CCDC197: variants seen among roughly 807,000 people sequenced by gnomAD.
CCDC197 encodes the protein uncharacterized protein CCDC197.
Under a neutral mutation model 13.4 loss-of-function variants are expected in CCDC197, and 24 were observed. The ratio of observed to expected loss-of-function variants is 1.80; its 90% CI spans 1.30 to 2.53. The LOEUF is 2.53. Among genes scored for constraint, CCDC197 ranks in the 30% most tolerant of loss-of-function variants. The pLI, the probability that CCDC197 is intolerant of heterozygous loss-of-function variation, is 0.00. For synonymous variants in CCDC197, 99 were observed against 55.5 expected (o/e 1.78, Z -3.48); for missense variants, 255 against 148.8 (o/e 1.71, Z -3.71).
intron 4 of CCDC197, 186 bp downstream of exon 4, chr14:94,001,509 A>C (rs1216808561): frequency 5.7e-6 from 3 of 527,236 alleles, no homozygotes; most frequent in Non-Finnish European, 1.0e-5. Flanking sequence ...CTGCTGCCTG[A>C]GGCTCAGCTC....
chr14:94,000,266 CT>C (rs1432685188), intron 3 of CCDC197, among the ~76,000 whole-genome samples: 2 of 152,108 alleles, frequency 1.3e-5, no homozygotes, highest in African/African-American at 4.8e-5. Context: ...TTTTTTACCC[CT>C]CCTATGAGCT....
intron 6 of CCDC197, among the ~76,000 whole-genome samples, chr14:94,008,343 C>T (rs1890743561): frequency 6.6e-6 from 1 of 152,186 alleles, no homozygotes; most frequent in African/African-American, 2.4e-5. Context: ...AAGAGGCAGG[C>T]AACCACTTTC....
At chr14:93,992,827 G>A (rs1890234611), upstream of CCDC197, among the ~76,000 whole-genome samples, 2 of 152,184 alleles carry the variant, frequency 1.3e-5, no homozygotes, top group East Asian at 3.8e-4. Context: ...GCAGAGCAAG[G>A]ATGAGGGTAG....
At chr14:93,998,566 C>T (rs192027272) in intron 2 of CCDC197, among the ~76,000 whole-genome samples, 198 of 152,250 alleles carry the variant, frequency 1.3e-3, no homozygotes, top group African/African-American at 4.2e-3. Context: ...ACGAGGTTGC[C>T]GCCTTGACTC....
At chr14:94,007,017 G>A (rs1365313757) in intron 6 of CCDC197, 2 of 151,960 alleles carry the variant, frequency 1.3e-5, no homozygotes, top group African/African-American at 4.8e-5. Flanking sequence ...GTAGAGACAG[G>A]GTTTCACCAA....
intron 1 of CCDC197, among the ~76,000 whole-genome samples, chr14:93,992,275 C>T (rs1000686873): frequency 6.6e-6 from 1 of 152,180 alleles, no homozygotes; most frequent in Non-Finnish European, 1.5e-5. Context: ...GTGCTTGCTC[C>T]AGGTGGGACC....
In CCDC197 at chr14:94,003,704, CAG is replaced by C. The variant is rs1890601577; in HGVS notation, c.498+352_498+353del. Among the ~76,000 whole-genome samples the C allele has an allele frequency of 1.3e-5, 2 of 152,040 alleles. No individual in the cohort carries two copies. Among genetic ancestry groups the C allele is most frequent in the South Asian group, 4.1e-4 (2 of 4,820 alleles). On this transcript the variant is annotated intron_variant, in intron 5 of 6. Transcript: ENST00000636493. This position sits in a 1 kb window ranked among gnomAD's most constrained non-coding sequence, Gnocchi z 5.0. ...ACACATGCAGAGACATACATAGAGA[CAG>C]ACACACACACAGACAGACCCACACC... is the stretch of plus-strand genomic sequence containing the variant.
upstream of CCDC197, among the ~76,000 whole-genome samples, chr14:93,995,255 C>T (rs4905135): frequency 0.16 from 24,497 of 152,078 alleles, 3,195 homozygotes; most frequent in East Asian, 0.61. Context: ...GAACCAGCTT[C>T]GGCTCTCACC....
chr14:93,988,037 G>C lies in CCDC197; in HGVS notation c.-107+641G>C, dbSNP rs572828295. ...GTGAGAGGAGGGGTGAGGCCAGAGA[G>C]GAGAAGAGGGGTGGGGCCGGAGAGG... On this transcript the variant is annotated intron_variant, in intron 1 of 7. Transcript: ENST00000640978. Among the ~76,000 whole-genome samples the C allele has an allele frequency of 2.7e-3, 333 of 122,428 alleles. 6 individuals carry two copies. Among genetic ancestry groups the C allele is most frequent in the African/African-American group, 0.01 (306 of 30,390 alleles). The allele number at this position is 122,428 out of a possible 152,430, so 80.3% of individuals were successfully genotyped here.
intron 1 of CCDC197, among the ~76,000 whole-genome samples, chr14:93,989,991 C>T (rs969865907): frequency 1.3e-5 from 2 of 152,204 alleles, no homozygotes; most frequent in African/African-American, 4.8e-5. Context: ...CCCTATGACC[C>T]CTGCCATCTC....
rs929195683 is a variant in CCDC197, at chr14:94,003,859, G to A, written c.498+505G>A. ...CAGAGCTCTGCCAAGAACCAGAGCCGGGATCCACCGGCCCAGTCCCAGGGC... is the reference window on the plus strand; with the variant it reads ...CAGAGCTCTGCCAAGAACCAGAGCCAGGATCCACCGGCCCAGTCCCAGGGC... On this transcript the variant is annotated intron_variant, in intron 5 of 6. Coordinates refer to ENST00000636493, the MANE Select transcript of CCDC197 (RefSeq NM_001351596.2). The surrounding 1 kb of genome is among the most constrained non-coding windows in gnomAD (Gnocchi z 5.0). 6.6e-6 allele frequency among the ~76,000 whole-genome samples: 1 copy of A among 152,174 alleles called. No individual in the cohort carries two copies. The highest frequency in any genetic ancestry group is 2.4e-5 in the African/African-American group (1 of 41,448).
intron 1 of CCDC197, among the ~76,000 whole-genome samples, chr14:93,989,491 T>C (rs1056643041): frequency 6.6e-6 from 1 of 152,132 alleles, no homozygotes; most frequent in African/African-American, 2.4e-5. Context: ...GCATGCTCAG[T>C]GGGGCACATG....
intron 6 of CCDC197, among the ~76,000 whole-genome samples, chr14:94,005,938 AT>A (rs139187420): frequency 0.091 from 13,874 of 152,266 alleles, 663 homozygotes; most frequent in Middle Eastern, 0.15. Flanking sequence ...TTCCTTAGGT[AT>A]TATGAATATT....
chr14:93,999,428 A>G, intron 2 of CCDC197, 155 bp from the exon 3 acceptor site: 1 of 605,660 alleles, frequency 1.7e-6, no homozygotes, highest in Non-Finnish European at 2.9e-6. Flanking sequence ...GAAGGTGCAG[A>G]GACTCCTAAG....
intron 4 of CCDC197, among the ~76,000 whole-genome samples, chr14:94,002,227 TCTCTCTCTTTCTTTCTTTCC>T (rs1357883754): frequency 6.6e-6 from 1 of 152,124 alleles, no homozygotes; most frequent in African/African-American, 2.4e-5. Context: ...TCTGTCTTTC[TCTCTCTCTTTCTTTCTTTCC>T]CTCTCTCTCT....
chr14:94,001,793 G>A (rs561803740), intron 4 of CCDC197: 1 of 153,366 alleles, frequency 6.5e-6, no homozygotes, highest in African/African-American at 2.4e-5. Flanking sequence ...ACTTCCGCTG[G>A]GAGGGATGGG....
intron 6 of CCDC197, among the ~76,000 whole-genome samples, chr14:94,006,525 T>G (rs116584022): frequency 0.012 from 1,886 of 151,860 alleles, 43 homozygotes; most frequent in African/African-American, 0.044. Context: ...CACGGCTAAG[T>G]TTTGTATTTC....
intron 6 of CCDC197, among the ~76,000 whole-genome samples, chr14:94,006,294 A>T (rs1890676656): frequency 6.6e-6 from 1 of 151,802 alleles, no homozygotes; most frequent in African/African-American, 2.4e-5. Context: ...GGCCATGTGT[A>T]TCTCTCCTTT....
chr14:93,989,325 A>C (rs58518011), intron 1 of CCDC197, among the ~76,000 whole-genome samples: 2,526 of 152,188 alleles, frequency 0.017, 72 homozygotes, highest in African/African-American at 0.054. Flanking sequence ...ACTGTATGAA[A>C]ATTTCGGGCT....
Sources: gnomAD v4.1 joint callset for allele counts (sites outside exome capture counted in the v4.1 genomes callset) on GRCh38, gnomAD v4.1.1 for gene constraint, Gnocchi (gnomAD v3.1) non-coding constraint, MANE v1.5 for transcripts, NCBI Gene and HGNC (gene_info 2026-07-23, HGNC 2026-07-21) for gene names.